The following SCEL variants were observed in gnomAD, a reference collection of about 807,000 sequenced individuals.
The protein encoded by SCEL is sciellin.
In SCEL, 113 loss-of-function variants were observed where a neutral mutation model predicts 117.6. That is an observed-to-expected ratio of 0.96 (90% CI 0.83 to 1.12). The LOEUF (loss-of-function observed/expected upper bound fraction) is 1.12. SCEL is among the 50% of genes most tolerant of loss of function. The probability of loss-of-function intolerance (pLI) is 0.00; values close to 1 mark genes in which losing one functional copy is unlikely to be tolerated. For missense variants in SCEL, 785 were observed against 810.8 expected (o/e 0.97, Z 0.39); for synonymous variants, 270 against 256.2 (o/e 1.05, Z -0.51).
chr13:77,600,751 G>A (rs2087612721), intron 15 of SCEL, among the ~76,000 whole-genome samples: 1 of 152,104 alleles, frequency 6.6e-6, no homozygotes. Flanking sequence ...ATGACAAAGG[G>A]CAAGGATTTA....
chr13:77,627,009 C>A (rs1295711033), intron 27 of SCEL, among the ~76,000 whole-genome samples: 1 of 152,052 alleles, frequency 6.6e-6, no homozygotes, highest in East Asian at 1.9e-4. Context: ...ACCAGAGGAT[C>A]TTGTATCTCA....
intron 1 of SCEL, among the ~76,000 whole-genome samples, chr13:77,552,982 T>G (rs953404485): frequency 6.6e-6 from 1 of 152,234 alleles, no homozygotes; most frequent in Non-Finnish European, 1.5e-5. Context: ...TCGCCATTGC[T>G]TGTTTTTCTC....
At chr13:77,587,010 C>G (rs1363380039) in intron 9 of SCEL, among the ~76,000 whole-genome samples, 1 of 151,996 alleles carries the variant, frequency 6.6e-6, no homozygotes, top group Non-Finnish European at 1.5e-5. Context: ...TCATCACCAT[C>G]TTACTACGTT....
chr13:77,599,449 C>A, intron 14 of SCEL, 61 bp downstream of exon 14: 2 of 1,370,674 alleles, frequency 1.5e-6, no homozygotes, highest in Non-Finnish European at 2.1e-6. Flanking sequence ...CTTATTCCCT[C>A]AGACATTAGC....
chr13:77,570,810 C>T (rs753735881), intron 8 of SCEL, among the ~76,000 whole-genome samples: 4 of 152,106 alleles, frequency 2.6e-5, no homozygotes, highest in Non-Finnish European at 5.9e-5. Context: ...CTTACGCTTT[C>T]AATATTTTTA....
chr13:77,563,132 C>T (rs776626428), intron 4 of SCEL, among the ~76,000 whole-genome samples: 22 of 152,170 alleles, frequency 1.4e-4, no homozygotes, highest in Non-Finnish European at 2.2e-4. Flanking sequence ...ATTCCCCCCC[C>T]ATTTTTGCTC....
At chr13:77,638,308 A>C (rs1346814590) in intron 30 of SCEL, among the ~76,000 whole-genome samples, 1 of 152,194 alleles carries the variant, frequency 6.6e-6, no homozygotes, top group Non-Finnish European at 1.5e-5. Context: ...CCTGTAAGTC[A>C]CACCTCTTTG....
chr13:77,567,735 CAACT>C lies in SCEL; in HGVS notation c.350_353del (p.Leu117ProfsTer13). On this transcript the variant is annotated frameshift_variant, in exon 6 of 33. Coordinates refer to ENST00000349847, the MANE Select transcript of SCEL (RefSeq NM_144777.3). LOFTEE classifies it high-confidence loss of function. ...ATATAAGGCCAATACCTTGGATAAC[CAACT>C]AACCAATAGGTACCAGTATCTACTA... 3.1e-6 allele frequency: 5 copies of C among 1,600,970 alleles called. No homozygotes were observed. Among genetic ancestry groups the C allele is most frequent in the Non-Finnish European group, 3.4e-6 (4 of 1,171,664 alleles).
At chr13:77,618,699 C>T (rs9544554) in intron 27 of SCEL, among the ~76,000 whole-genome samples, 142,120 of 152,242 alleles carry the variant, frequency 0.93, 66,390 homozygotes, top group South Asian at 0.96. Context: ...CAACTTAGTG[C>T]TTGTTGTCTA....
intron 29 of SCEL, among the ~76,000 whole-genome samples, chr13:77,636,738 A>G (rs1372949646): frequency 2.0e-5 from 3 of 152,242 alleles, no homozygotes; most frequent in Non-Finnish European, 4.4e-5. Flanking sequence ...TCTCTCTGTG[A>G]ATGGTGTATG....
intron 13 of SCEL, among the ~76,000 whole-genome samples, chr13:77,597,946 A>T (rs1365555466): frequency 6.6e-6 from 1 of 151,060 alleles, no homozygotes; most frequent in Non-Finnish European, 1.5e-5. Context: ...TTTTATTATC[A>T]TAGTTAATGT....
At chr13:77,586,175 G>A (rs1387342048) in intron 9 of SCEL, among the ~76,000 whole-genome samples, 1 of 152,024 alleles carries the variant, frequency 6.6e-6, no homozygotes, top group South Asian at 2.1e-4. Context: ...ATAATGCTTG[G>A]TGATTTCAAA....
At chr13:77,584,525 C>T (rs2086453984) in intron 9 of SCEL, among the ~76,000 whole-genome samples, 1 of 152,204 alleles carries the variant, frequency 6.6e-6, no homozygotes, top group Non-Finnish European at 1.5e-5. Context: ...TTCTACTCCC[C>T]TGATCCACGC....
At chr13:77,638,223 G>T (rs528481388) in intron 30 of SCEL, among the ~76,000 whole-genome samples, 1 of 152,194 alleles carries the variant, frequency 6.6e-6, no homozygotes, top group South Asian at 2.1e-4. Flanking sequence ...GGGTGAACCA[G>T]GTATCAAAAT....
chr13:77,572,310 C>T, intron 9 of SCEL, 121 bp downstream of exon 9: 1 of 763,698 alleles, frequency 1.3e-6, no homozygotes, highest in South Asian at 1.5e-5. Flanking sequence ...GAACTCTCAG[C>T]TCTGTACAGG....
intron 10 of SCEL, among the ~76,000 whole-genome samples, chr13:77,590,161 A>G (rs1434478613): frequency 6.6e-6 from 1 of 152,112 alleles, no homozygotes; most frequent in Non-Finnish European, 1.5e-5. Flanking sequence ...AATTATAGAA[A>G]TATTCTTCAT....
At chr13:77,574,476 T>A (rs1187348689) in intron 9 of SCEL, among the ~76,000 whole-genome samples, 1 of 152,236 alleles carries the variant, frequency 6.6e-6, no homozygotes, top group African/African-American at 2.4e-5. Context: ...ACGAAAAGAC[T>A]TCTCTTTGAG....
intron 19 of SCEL, among the ~76,000 whole-genome samples, chr13:77,607,020 G>T (rs551008263): frequency 2.6e-5 from 4 of 152,144 alleles, no homozygotes; most frequent in Admixed American, 2.6e-4. Context: ...AAATGTTTTC[G>T]ATGACTGTGT....
At chr13:77,558,819 CAA>C (rs58052726) in intron 3 of SCEL, among the ~76,000 whole-genome samples, 288 of 89,742 alleles carry the variant, frequency 3.2e-3, no homozygotes, top group African/African-American at 0.011. Flanking sequence ...CTCTGTCTTA[CAA>C]AAAAAAAAAA....
Sources: gnomAD v4.1 joint callset for allele counts (sites outside exome capture counted in the v4.1 genomes callset) on GRCh38, gnomAD v4.1.1 for gene constraint, MANE v1.5 for transcripts, NCBI Gene and HGNC (gene_info 2026-07-23, HGNC 2026-07-21) for gene names.